CCNY: variants seen among roughly 807,000 people sequenced by gnomAD.
CCNY encodes the protein cyclin Y, also known as cyclin-Y.
A neutral mutation model predicts 42.8 loss-of-function variants in CCNY; 19 were observed. The ratio of observed to expected loss-of-function variants is 0.44; its 90% CI spans 0.31 to 0.65. The LOEUF is 0.65. CCNY is among the 30% of genes least tolerant of loss of function. The probability of loss-of-function intolerance (pLI) is 0.07; values close to 1 mark genes in which losing one functional copy is unlikely to be tolerated. For synonymous variants in CCNY, 165 were observed against 162.7 expected, an observed-to-expected ratio of 1.01 and a Z score of -0.11; for missense variants, 370 against 437.3, an observed-to-expected ratio of 0.85 and a Z score of 1.37.
At chr10:35,488,731 C>T (rs1026921782) in intron 2 of CCNY, among the ~76,000 whole-genome samples, 13 of 152,100 alleles carry the variant, frequency 8.5e-5, no homozygotes, top group South Asian at 8.3e-4. Context: ...GGATTATAAA[C>T]GTTGATATTT....
chr10:35,317,920 G>A (rs1835779547), intron 3 of CCNY, among the ~76,000 whole-genome samples: 1 of 152,198 alleles, frequency 6.6e-6, no homozygotes, highest in African/African-American at 2.4e-5. Flanking sequence ...CATACATGCA[G>A]GGCTAAGTGC....
At chr10:35,398,745 G>C (rs959009206) in intron 1 of CCNY, among the ~76,000 whole-genome samples, 4 of 152,204 alleles carry the variant, frequency 2.6e-5, no homozygotes, top group African/African-American at 9.7e-5. Context: ...GACCAGTTAA[G>C]TAAATTTGCA....
intron 3 of CCNY, among the ~76,000 whole-genome samples, chr10:35,266,382 G>A (rs962891377): frequency 1.3e-5 from 2 of 150,816 alleles, no homozygotes; most frequent in Non-Finnish European, 2.9e-5. Flanking sequence ...TTACAGGCGT[G>A]AGCCACCACC....
intron 3 of CCNY, among the ~76,000 whole-genome samples, chr10:35,292,776 T>TTTTTG (rs1835428451): frequency 6.7e-6 from 1 of 149,824 alleles, no homozygotes; most frequent in African/African-American, 2.5e-5. Flanking sequence ...GAGTGCTTTG[T>TTTTTG]TTTTGTTTTT....
At chr10:35,300,397 C>G (rs1484614142) in intron 3 of CCNY, among the ~76,000 whole-genome samples, 2 of 151,808 alleles carry the variant, frequency 1.3e-5, no homozygotes, top group African/African-American at 4.8e-5. Flanking sequence ...GTGGGTCTTG[C>G]CTTGTTTCAC....
At chr10:35,475,666 A>G (rs1185042124) in intron 1 of CCNY, among the ~76,000 whole-genome samples, 1 of 148,832 alleles carries the variant, frequency 6.7e-6, no homozygotes, top group Non-Finnish European at 1.5e-5. Flanking sequence ...AACAACTGGT[A>G]CCAGCCGCTG....
At chr10:35,527,807 C>T (rs979313115) in intron 5 of CCNY, among the ~76,000 whole-genome samples, 5 of 152,192 alleles carry the variant, frequency 3.3e-5, no homozygotes, top group African/African-American at 1.2e-4. Flanking sequence ...GTCTGCATGC[C>T]TTCTCTTCGC....
At chr10:35,540,628 T>C (rs1056386391) in intron 7 of CCNY, among the ~76,000 whole-genome samples, 2 of 152,162 alleles carry the variant, frequency 1.3e-5, no homozygotes, top group African/African-American at 4.8e-5. Context: ...GTAGAATTTA[T>C]CACTGAAGCC....
intron 1 of CCNY, among the ~76,000 whole-genome samples, chr10:35,476,060 G>A (rs1839502360): frequency 6.6e-6 from 1 of 152,120 alleles, no homozygotes; most frequent in African/African-American, 2.4e-5. Context: ...AATGGTAAAG[G>A]GATCAATTCA....
chr10:35,399,567 G>A (rs1266931829), intron 1 of CCNY, among the ~76,000 whole-genome samples: 1 of 152,240 alleles, frequency 6.6e-6, no homozygotes, highest in Non-Finnish European at 1.5e-5. Context: ...AGCAGGATGG[G>A]TGTGGTGTTT....
chr10:35,461,835 T>C (rs1165248843), intron 1 of CCNY, among the ~76,000 whole-genome samples: 1 of 152,222 alleles, frequency 6.6e-6, no homozygotes, highest in East Asian at 1.9e-4. Context: ...TATTGAGGTA[T>C]CTCAGTGTTA....
intron 1 of CCNY, among the ~76,000 whole-genome samples, chr10:35,380,576 T>G (rs1186413264): frequency 6.6e-6 from 1 of 152,254 alleles, no homozygotes; most frequent in East Asian, 1.9e-4. Flanking sequence ...GATTTAGTAA[T>G]TTTAAGATAT....
intron 1 of CCNY, among the ~76,000 whole-genome samples, chr10:35,468,460 A>G (rs1839316985): frequency 6.6e-6 from 1 of 151,990 alleles, no homozygotes; most frequent in Non-Finnish European, 1.5e-5. Context: ...TTCTTTTTTA[A>G]AACTCCCTTT....
chr10:35,311,991 A>C (rs914712338), intron 3 of CCNY, among the ~76,000 whole-genome samples: 1 of 151,680 alleles, frequency 6.6e-6, no homozygotes, highest in Non-Finnish European at 1.5e-5. Flanking sequence ...GTCTAAAAAA[A>C]ATTTTTTTGT....
intron 1 of CCNY, among the ~76,000 whole-genome samples, chr10:35,459,901 C>T (rs1839120453): frequency 6.6e-6 from 1 of 152,060 alleles, no homozygotes; most frequent in East Asian, 1.9e-4. Flanking sequence ...CTAACAAGTA[C>T]AGCTAACTGA....
intron 1 of CCNY, among the ~76,000 whole-genome samples, chr10:35,362,415 G>A (rs1377219326): frequency 6.6e-6 from 1 of 152,156 alleles, no homozygotes; most frequent in Non-Finnish European, 1.5e-5. Context: ...AGTAGGGAAG[G>A]CAGTAGGAAA....
At chr10:35,442,241 T>C (rs575874555) in intron 1 of CCNY, among the ~76,000 whole-genome samples, 1 of 152,292 alleles carries the variant, frequency 6.6e-6, no homozygotes, top group South Asian at 2.1e-4. Context: ...CTCCAAGGGC[T>C]TATGGTGGTG....
intron 1 of CCNY, among the ~76,000 whole-genome samples, chr10:35,446,047 C>T (rs1386101799): frequency 6.6e-6 from 1 of 152,180 alleles, no homozygotes; most frequent in East Asian, 1.9e-4. Flanking sequence ...AGTACTCTGC[C>T]TGCCTCCTTA....
chr10:35,292,781 GTTTTTTT>G (rs71033391), intron 3 of CCNY, among the ~76,000 whole-genome samples: 5 of 108,796 alleles, frequency 4.6e-5, no homozygotes, highest in African/African-American at 1.4e-4. Flanking sequence ...CTTTGTTTTT[GTTTTTTT>G]TTTTTTTTTT....
Sources: gnomAD v4.1 joint callset for allele counts (sites outside exome capture counted in the v4.1 genomes callset) on GRCh38, gnomAD v4.1.1 for gene constraint, MANE v1.5 for transcripts, NCBI Gene and HGNC (gene_info 2026-07-23, HGNC 2026-07-21) for gene names.